The following CTTN variants were observed in gnomAD, a reference collection of about 807,000 sequenced individuals.
CTTN encodes cortactin.
CTTN carries 28 observed loss-of-function variants against 84.0 expected under a neutral mutation model. The observed-to-expected ratio is 0.33, with a 90% CI of 0.25 to 0.46. The LOEUF is 0.46. Ranked by LOEUF, CTTN falls within the 20% of genes least tolerant of loss-of-function variation. The pLI is 1.00. For synonymous variants in CTTN, 301 were observed against 288.8 expected (o/e 1.04, Z -0.43); for missense variants, 641 against 723.8 (o/e 0.89, Z 1.31).
At chr11:70,399,760 A>C (rs997902012) in intron 1 of CTTN, among the ~76,000 whole-genome samples, 1 of 152,096 alleles carries the variant, frequency 6.6e-6, no homozygotes, top group Non-Finnish European at 1.5e-5. Context: ...TTTTCTGCTG[A>C]AGGAAGCTCC....
At chr11:70,414,421 T>G in intron 5 of CTTN, 121 bp from the exon 6 acceptor site, 12 of 617,592 alleles carry the variant, frequency 1.9e-5, no homozygotes, top group Middle Eastern at 3.1e-4. Context: ...CAGATGGGTG[T>G]GTTAATGTAA....
intron 1 of CTTN, among the ~76,000 whole-genome samples, chr11:70,399,936 G>C (rs983226461): frequency 1.5e-4 from 23 of 152,308 alleles, no homozygotes; most frequent in Non-Finnish European, 2.8e-4. Flanking sequence ...GGAGGGGCTG[G>C]CCGCCTGCCC....
chr11:70,428,889 C>T (rs1392506206), intron 13 of CTTN, among the ~76,000 whole-genome samples, 162 bp from the exon 14 acceptor site: 3 of 152,198 alleles, frequency 2.0e-5, no homozygotes, highest in African/African-American at 7.2e-5. Context: ...GTGCTGGCTC[C>T]GGACCAGTGG....
At chr11:70,414,496 G>C (rs538277323) in intron 5 of CTTN, 46 bp from the exon 6 acceptor site, 1 of 1,391,078 alleles carries the variant, frequency 7.2e-7, no homozygotes, top group South Asian at 1.2e-5. Flanking sequence ...GTGAAGCGCC[G>C]CAGTGTTGTT....
Position 70,436,143 on chromosome 11 carries a change from A to G in CTTN, c.*981A>G. ...AATGGGGGTGTAGTATTTTTGCCAA[A>G]ATATCATGTTCAATTTCAGTAGTTT... On this transcript the variant is annotated 3_prime_UTR_variant, in exon 18 of 18. Coordinates refer to ENST00000301843, the MANE Select transcript of CTTN (RefSeq NM_005231.4). The G allele has an allele frequency of 6.9e-7, 1 of 1,443,184 alleles. No homozygotes were observed. The highest frequency in any genetic ancestry group is 9.1e-7 in the Non-Finnish European group (1 of 1,104,470). The allele number at this position is 1,443,184 out of a possible 1,614,324, so 89.4% of individuals were successfully genotyped here.
intron 5 of CTTN, chr11:70,410,358 TTC>T (rs1481676305): frequency 5.2e-6 from 1 of 192,094 alleles, no homozygotes; most frequent in Admixed American, 5.3e-5. Flanking sequence ...GTCCCCATGG[TTC>T]ACAGCACACA....
At chr11:70,399,905 C>G (rs1336577620) in intron 1 of CTTN, among the ~76,000 whole-genome samples, 37 of 152,252 alleles carry the variant, frequency 2.4e-4, no homozygotes, top group Non-Finnish European at 2.9e-5. Context: ...CAAGCCCGGC[C>G]GGGCCCAAGG....
At chr11:70,416,025 C>A in intron 7 of CTTN, 1 of 352,640 alleles carries the variant, frequency 2.8e-6, no homozygotes, top group Non-Finnish European at 5.3e-6. Flanking sequence ...TTCATCTGGG[C>A]AGCGCTCCTC....
At position 70,405,255 on chromosome 11, in the gene CTTN, C is replaced by G. The variant is rs918060002; in HGVS notation, c.-97-10C>G. On this transcript the variant is annotated splice_polypyrimidine_tract_variant and intron_variant, in intron 1 of 17. Transcript: ENST00000301843. ...TCCTTCTCAGCTTTTTACCCTTAAT[C>G]TTTTTACAGACGGAATCAGTCCCCA... The G allele has an allele frequency of 2.0e-5, 3 of 152,282 alleles. No individual in the cohort carries two copies. Among genetic ancestry groups the G allele is most frequent in the African/African-American group, 7.2e-5 (3 of 41,564 alleles). The allele number at this position is 152,282 out of a possible 1,614,324, so 9.4% of individuals were successfully genotyped here.
chr11:70,413,141 G>T (rs1433163865), intron 5 of CTTN, among the ~76,000 whole-genome samples: 2 of 152,338 alleles, frequency 1.3e-5, no homozygotes, highest in African/African-American at 4.8e-5. Context: ...AAGGCTTAGG[G>T]CAAGACCTGC....
Position 70,420,444 on chromosome 11 carries a change from A to C in CTTN, c.724A>C (p.Arg242=). The change falls in exon 10 of 18, where the codon AGA becomes CGA. Residue 242 remains arginine (R), a synonymous_variant. Coordinates refer to ENST00000301843, the MANE Select transcript of CTTN (RefSeq NM_005231.4). ...AGGAAAATTTGGTGTGCAGACAGAC[A>C]GACAAGACAAATGTGCCCTTGGCTG... ...FGGKFGVQTD[R]QDKCALGWDH... The C allele has an allele frequency of 6.2e-7, 1 of 1,614,244 alleles. No homozygotes were observed. The highest frequency in any genetic ancestry group is 8.5e-7 in the Non-Finnish European group (1 of 1,180,044).
At position 70,434,904 on chromosome 11, in the gene CTTN, G is replaced by A. The variant is rs543422272; in HGVS notation, c.1517-122G>A. The A allele has an allele frequency of 1.0e-3, 1,065 of 1,036,566 alleles. 2 individuals are homozygous for A. Among genetic ancestry groups the A allele is most frequent in the Non-Finnish European group, 1.4e-3 (973 of 673,356 alleles). The allele number at this position is 1,036,566 out of a possible 1,614,324, so 64.2% of individuals were successfully genotyped here. A position where few individuals can be genotyped will look rare whatever the true frequency, so the allele number is the denominator to read the frequency against. ...GCAGCAGGAGCCTCCGCGGTGGTCC[G>A]CATCTCTGCAGGGGGCATCTCTGAG... On this transcript the variant is annotated intron_variant, in intron 17 of 17. Coordinates refer to ENST00000301843, the MANE Select transcript of CTTN (RefSeq NM_005231.4).
At position 70,435,635 on chromosome 11, in the gene CTTN, G is replaced by C. The variant is rs1292864514; in HGVS notation, c.*473G>C. ...TAGAGTCTCACTGCTGGGGAGGAGA[G>C]GACTGGGCCTGATGGAAGTTAACCC... On this transcript the variant is annotated 3_prime_UTR_variant, in exon 18 of 18. Transcript: ENST00000301843. 4 of 1,594,710 alleles carry C rather than the reference G, an allele frequency of 2.5e-6. No individual in the cohort carries two copies. Among genetic ancestry groups the C allele is most frequent in the South Asian group, 2.2e-5 (2 of 90,176 alleles).
chr11:70,431,375 T>C (rs2058352610), intron 15 of CTTN, 95 bp downstream of exon 15: 1 of 1,336,226 alleles, frequency 7.5e-7, no homozygotes. Context: ...AGGCAGGCAG[T>C]GTGGCGTGGG....
chr11:70,435,251 C>CTTTTT lies in CTTN; in HGVS notation c.*90_*91insTTTTT. On this transcript the variant is annotated 3_prime_UTR_variant, in exon 18 of 18. Transcript: ENST00000301843. Reference sequence around the variant, plus strand: ...GTTCTTGGGTGGTTTTGGGTTTTTTCTGTTTTTTTTTTTTTTTTTTTTTTT... The same window carrying CTTTTT: ...GTTCTTGGGTGGTTTTGGGTTTTTTCTTTTTTGTTTTTTTTTTTTTTTTTTTTTTT... 2.0e-6 allele frequency: 2 copies of CTTTTT among 978,242 alleles called. No individual in the cohort carries two copies. Among genetic ancestry groups the CTTTTT allele is most frequent in the South Asian group, 2.5e-5 (1 of 39,782 alleles). The allele number at this position is 978,242 out of a possible 1,614,324, so 60.6% of individuals were successfully genotyped here.
In CTTN at chr11:70,435,823, C is replaced by T; in HGVS notation, c.*661C>T. 4 of 1,547,300 alleles carry T rather than the reference C, an allele frequency of 2.6e-6. No homozygotes were observed. The highest frequency in any genetic ancestry group is 3.5e-6 in the Non-Finnish European group (4 of 1,154,474). On this transcript the variant is annotated 3_prime_UTR_variant, in exon 18 of 18. Coordinates refer to ENST00000301843, the MANE Select transcript of CTTN (RefSeq NM_005231.4). ...TCATCTCTACCCATCCCCTGATGCC[C>T]AGGTCACCGGGAGGGCTGCTGGGAG... is the stretch of plus-strand genomic sequence containing the variant.
chr11:70,417,040 A>AT lies in CTTN; in HGVS notation c.486dup (p.Gly163TrpfsTer46). On this transcript the variant is annotated frameshift_variant, in exon 8 of 18. Transcript: ENST00000301843. LOFTEE classifies it high-confidence loss of function. Reference sequence around the variant, plus strand: ...TACTCCAGTGGTTTTGGCGGCAAGTATGGCGTGCAGGCCGACCGAGTAGAC... The same window carrying AT: ...TACTCCAGTGGTTTTGGCGGCAAGTATTGGCGTGCAGGCCGACCGAGTAGAC... The AT allele has an allele frequency of 6.2e-7, 1 of 1,614,206 alleles. No homozygotes were observed.
At chr11:70,415,442 G>A (rs1345259195) in intron 6 of CTTN, among the ~76,000 whole-genome samples, 2 of 152,230 alleles carry the variant, frequency 1.3e-5, no homozygotes, top group Non-Finnish European at 2.9e-5. Flanking sequence ...CAGGGATATG[G>A]CTTGGCCTGC....
At position 70,433,153 on chromosome 11, in the gene CTTN, C is replaced by T. The variant is rs147744807; in HGVS notation, c.1319C>T (p.Thr440Met). The change falls in exon 16 of 18, where the codon ACG becomes ATG. Residue 440 changes from threonine to methionine, a missense_variant. Physicochemically the swap from Thr to Met is moderately conservative, Grantham distance 81. This residue lies in a region of CTTN where 289 missense variants were observed against 273.1 expected (regional missense o/e 1.06). Coordinates refer to ENST00000301843, the MANE Select transcript of CTTN (RefSeq NM_005231.4). ...ELSYRGPVSG[T>M]EPEPVYSMEA... ...AGCTACAGAGGCCCTGTGAGTGGGA[C>T]GGAGCCGGAGCCCGTGTACAGCATG... The T allele has an allele frequency of 8.1e-6, 13 of 1,613,684 alleles. No individual in the cohort carries two copies. The highest frequency in any genetic ancestry group is 4.5e-5 in the East Asian group (2 of 44,884).
Sources: allele counts gnomAD v4.1 joint callset (sites outside exome capture counted in the v4.1 genomes callset), GRCh38; gene constraint gnomAD v4.1.1; regional missense constraint gnomAD v4.1.1; transcripts MANE v1.5; gene names NCBI Gene and HGNC (gene_info 2026-07-23, HGNC 2026-07-21).